Variants in XIRP2 observed in about 807,000 individuals in gnomAD.
The protein encoded by XIRP2 is xin actin binding repeat containing 2.
In XIRP2, 236 loss-of-function variants were observed where a neutral mutation model predicts 277.0. The observed-to-expected ratio is 0.85, with a 90% CI of 0.77 to 0.95. XIRP2 has a LOEUF of 0.95. Ranked by LOEUF, XIRP2 falls within the 40% of genes least tolerant of loss-of-function variation. The pLI is 0.00. For missense variants in XIRP2, 4,640 were observed against 4,157.5 expected (o/e 1.12, Z -3.19); for synonymous variants, 1,490 against 1,416.5 (o/e 1.05, Z -1.17).
At chr2:167,026,203 T>C (rs1261738271) in intron 2 of XIRP2, among the ~76,000 whole-genome samples, 2 of 152,184 alleles carry the variant, frequency 1.3e-5, no homozygotes, top group African/African-American at 2.4e-5. Flanking sequence ...CCTTTACCAT[T>C]ATGTAATGGC....
At position 167,259,526 on chromosome 2, in the gene XIRP2, G is replaced by A; in HGVS notation, c.*1709G>A. 1 of 624,550 alleles carries A rather than the reference G, an allele frequency of 1.6e-6. No homozygotes were observed. The highest frequency in any genetic ancestry group is 2.5e-6 in the Non-Finnish European group (1 of 393,378). 38.7% of individuals were successfully genotyped at this position (624,550 alleles called of 1,614,324 possible). A position where few individuals can be genotyped will look rare whatever the true frequency, so the allele number is the denominator to read the frequency against. On this transcript the variant is annotated 3_prime_UTR_variant, in exon 11 of 11. Transcript: ENST00000409195. ...TGGGATATTTCTTGTATTACACCTT[G>A]TCATTTTTTTCACAATTTATTTACA...
chr2:167,244,055 A>G lies in XIRP2; in HGVS notation c.2663A>G (p.Lys888Arg). 1 of 1,613,946 alleles carries G rather than the reference A, an allele frequency of 6.2e-7. No individual in the cohort carries two copies. Among genetic ancestry groups the G allele is most frequent in the Non-Finnish European group, 8.5e-7 (1 of 1,179,916 alleles). ...GAAACACTTCCAATTGAAGCATTAA[A>G]AGACAGTCCTGATATAGGAAAGCTT... ...LFETLPIEAL[K>R]DSPDIGKLQK... The change falls in exon 9 of 11, where the codon AAA (lysine) becomes AGA (arginine). Residue 888 changes from lysine to arginine, a missense_variant. Lys to Arg is a conservative substitution (Grantham distance 26). Coordinates refer to ENST00000409195, the MANE Select transcript of XIRP2 (RefSeq NM_152381.6).
chr2:167,057,287 G>A (rs371864680), intron 2 of XIRP2, among the ~76,000 whole-genome samples: 4 of 152,020 alleles, frequency 2.6e-5, no homozygotes, highest in South Asian at 2.1e-4. Flanking sequence ...CTAAGTTTTC[G>A]GATCACCAGG....
At chr2:167,200,117 A>C (rs997782360) in intron 3 of XIRP2, among the ~76,000 whole-genome samples, 1 of 152,246 alleles carries the variant, frequency 6.6e-6, no homozygotes, top group African/African-American at 2.4e-5. Flanking sequence ...CTAACCAAAC[A>C]TAACAATATA....
intron 3 of XIRP2, among the ~76,000 whole-genome samples, chr2:167,181,622 A>G (rs895946116): frequency 1.4e-4 from 22 of 152,038 alleles, no homozygotes; most frequent in African/African-American, 5.3e-4. Flanking sequence ...TCCTTATTAT[A>G]CCTTACCTTT....
intron 3 of XIRP2, among the ~76,000 whole-genome samples, chr2:167,145,849 T>G (rs528409421): frequency 3.9e-5 from 6 of 152,288 alleles, no homozygotes; most frequent in Admixed American, 2.6e-4. Flanking sequence ...AAATTGCCAC[T>G]GTGAAGGACC....
chr2:167,214,338 A>C (rs1048826175), intron 4 of XIRP2, among the ~76,000 whole-genome samples: 13 of 151,272 alleles, frequency 8.6e-5, no homozygotes, highest in African/African-American at 2.9e-4. Flanking sequence ...ATAGCCAAGC[A>C]TGATGGCGGG....
intron 2 of XIRP2, among the ~76,000 whole-genome samples, chr2:167,003,847 C>T (rs557283318): frequency 4.3e-4 from 66 of 151,892 alleles, no homozygotes; most frequent in African/African-American, 1.4e-3. Context: ...TGTATTTTGG[C>T]TTTTCTTAAT....
intron 2 of XIRP2, among the ~76,000 whole-genome samples, chr2:167,105,826 C>T (rs1052484520): frequency 6.6e-6 from 1 of 151,598 alleles, no homozygotes; most frequent in African/African-American, 2.4e-5. Flanking sequence ...TTATTGTTAC[C>T]ATTCTTTGTA....
intron 2 of XIRP2, among the ~76,000 whole-genome samples, chr2:167,132,086 A>G (rs1451886675): frequency 6.6e-6 from 1 of 151,794 alleles, no homozygotes; most frequent in Non-Finnish European, 1.5e-5. Context: ...GTATCTCCTA[A>G]ATGGCTTTCA....
intron 2 of XIRP2, among the ~76,000 whole-genome samples, chr2:167,010,099 G>A (rs938575826): frequency 2.0e-5 from 3 of 151,952 alleles, no homozygotes; most frequent in African/African-American, 7.2e-5. Context: ...TTTGTCTTTT[G>A]TTGCCATTGC....
chr2:167,110,819 C>G (rs1015652693), intron 2 of XIRP2, among the ~76,000 whole-genome samples: 6 of 151,850 alleles, frequency 4.0e-5, no homozygotes, highest in African/African-American at 9.7e-5. Flanking sequence ...AATATTTTTC[C>G]ATTTGTTTGT....
Position 167,249,845 on chromosome 2 carries a change from G to A in XIRP2, c.8453G>A (p.Ser2818Asn), listed in dbSNP as rs982843823. 3 of 1,613,458 alleles carry A rather than the reference G, an allele frequency of 1.9e-6. No individual in the cohort carries two copies. The highest frequency in any genetic ancestry group is 2.5e-6 in the Non-Finnish European group (3 of 1,179,708). ...SGSDRGKLPGSEEKNQGPSMI... is the reference protein window; with the variant it reads ...SGSDRGKLPGNEEKNQGPSMI... ...TCTGACAGAGGGAAACTTCCAGGAA[G>A]TGAAGAAAAAAATCAGGGACCATCA... is the stretch of plus-strand genomic sequence containing the variant. The change falls in exon 9 of 11, where the codon AGT (serine) becomes AAT (asparagine). Residue 2818 changes from serine to asparagine, a missense_variant. By Grantham distance (46) the Ser-to-Asn change is conservative. Transcript: ENST00000409195.
At chr2:167,196,167 T>G (rs1693501084) in intron 3 of XIRP2, among the ~76,000 whole-genome samples, 1 of 152,190 alleles carries the variant, frequency 6.6e-6, no homozygotes, top group South Asian at 2.1e-4. Context: ...ATCCCAAATG[T>G]TCTCTATGAT....
chr2:167,108,697 G>A (rs1326708154), intron 2 of XIRP2, among the ~76,000 whole-genome samples: 1 of 152,028 alleles, frequency 6.6e-6, no homozygotes, highest in East Asian at 1.9e-4. Flanking sequence ...TTAGCCAACA[G>A]AACACTGCTT....
At chr2:167,192,786 A>T (rs1167374613) in intron 3 of XIRP2, among the ~76,000 whole-genome samples, 2 of 152,168 alleles carry the variant, frequency 1.3e-5, no homozygotes, top group Non-Finnish European at 2.9e-5. Context: ...GAACTCAGGA[A>T]ATAGGACAAG....
intron 3 of XIRP2, among the ~76,000 whole-genome samples, chr2:167,149,514 A>G (rs1256422443): frequency 2.0e-5 from 3 of 152,174 alleles, no homozygotes; most frequent in African/African-American, 7.2e-5. Flanking sequence ...GTGGCAATTC[A>G]GGTCAGTTGG....
intron 8 of XIRP2, 100 bp from the exon 9 acceptor site, chr2:167,242,469 T>C (rs1559036792): frequency 8.1e-6 from 10 of 1,228,674 alleles, no homozygotes; most frequent in Middle Eastern, 5.5e-4. Context: ...AATGGAGATA[T>C]CATAGGAGGG....
intron 3 of XIRP2, among the ~76,000 whole-genome samples, chr2:167,152,334 G>GC (rs760456843): frequency 2.0e-5 from 3 of 151,344 alleles, no homozygotes; most frequent in Non-Finnish European, 2.9e-5. Flanking sequence ...AGATTTTGCT[G>GC]CCCCCCGCCC....
Sources: gnomAD v4.1 joint callset for allele counts (sites outside exome capture counted in the v4.1 genomes callset) on GRCh38, gnomAD v4.1.1 for gene constraint, MANE v1.5 for transcripts, NCBI Gene and HGNC (gene_info 2026-07-23, HGNC 2026-07-21) for gene names.